Variants in SEMA3D observed in about 807,000 individuals in gnomAD.
SEMA3D encodes semaphorin-3D.
Under a neutral mutation model 100.1 loss-of-function variants are expected in SEMA3D, and 84 were observed. The observed-to-expected ratio is 0.84, with a 90% CI of 0.70 to 1.01. SEMA3D has a LOEUF of 1.01. SEMA3D is among the 50% of genes least tolerant of loss of function. The pLI is 0.00. For synonymous variants in SEMA3D, 312 were observed against 320.7 expected, an observed-to-expected ratio of 0.97 and a Z score of 0.29; for missense variants, 875 against 934.1, an observed-to-expected ratio of 0.94 and a Z score of 0.82.
chr7:85,204,120 T>G, the SEMA3D span, among the ~76,000 whole-genome samples: 1 of 152,018 alleles, frequency 6.6e-6, no homozygotes, highest in African/African-American at 2.4e-5. Context: ...AAAAAAACAC[T>G]TTTAAAAAGC....
intron 15 of SEMA3D, among the ~76,000 whole-genome samples, chr7:85,015,922 A>C (rs1790087670): frequency 6.6e-6 from 1 of 151,690 alleles, no homozygotes; most frequent in Non-Finnish European, 1.5e-5. Flanking sequence ...ATACAAGTGA[A>C]TAAGCCACAA....
chr7:85,055,534 T>A (rs1791282878), intron 9 of SEMA3D, among the ~76,000 whole-genome samples, 183 bp downstream of exon 9: 1 of 150,606 alleles, frequency 6.6e-6, no homozygotes, highest in Admixed American at 6.6e-5. Flanking sequence ...CTTTTTCTTA[T>A]TTTTTACATT....
intron 5 of SEMA3D, among the ~76,000 whole-genome samples, chr7:85,078,729 T>A (rs1238701098): frequency 6.6e-6 from 1 of 152,158 alleles, no homozygotes; most frequent in East Asian, 1.9e-4. Context: ...ATTAGCTAAC[T>A]TTCATTAGGG....
intron 2 of SEMA3D, chr7:85,139,978 T>C (rs1223819080): frequency 7.4e-6 from 2 of 269,408 alleles, no homozygotes; most frequent in Non-Finnish European, 1.1e-5. Flanking sequence ...CATTGTAAAC[T>C]ATTATAACCA....
chr7:85,050,118 C>CAG (rs1369559118), intron 9 of SEMA3D, among the ~76,000 whole-genome samples: 56 of 124,402 alleles, frequency 4.5e-4, no homozygotes, highest in African/African-American at 1.5e-3. Flanking sequence ...CACACACACA[C>CAG]ACAGAGACAG....
intron 12 of SEMA3D, among the ~76,000 whole-genome samples, chr7:85,033,092 T>C (rs1343508169): frequency 7.9e-5 from 12 of 152,132 alleles, no homozygotes. Flanking sequence ...GTCCTAATCA[T>C]GCTTTTGTTT....
chr7:85,023,636 C>A (rs1206451814), intron 12 of SEMA3D, among the ~76,000 whole-genome samples: 2 of 151,758 alleles, frequency 1.3e-5, no homozygotes, highest in African/African-American at 4.8e-5. Context: ...CTCCATGGAA[C>A]TGAACCATTT....
At chr7:85,112,832 CTGTT>C (rs1255658546) in intron 3 of SEMA3D, among the ~76,000 whole-genome samples, 6 of 152,196 alleles carry the variant, frequency 3.9e-5, no homozygotes, top group East Asian at 1.9e-4. Context: ...TGCTTCTTCA[CTGTT>C]TGTCTCCCTA....
intron 12 of SEMA3D, among the ~76,000 whole-genome samples, chr7:85,030,088 T>G (rs767033529): frequency 1.3e-5 from 2 of 151,988 alleles, no homozygotes; most frequent in African/African-American, 2.4e-5. Context: ...CTAGGTACTC[T>G]ACCCAGGATG....
chr7:85,114,977 A>T (rs1230198470), intron 3 of SEMA3D, among the ~76,000 whole-genome samples: 3 of 152,210 alleles, frequency 2.0e-5, no homozygotes, highest in Non-Finnish European at 4.4e-5. Flanking sequence ...ACTTTAAAAA[A>T]ATAAGTTTAG....
chr7:85,213,975 T>C, the SEMA3D span, among the ~76,000 whole-genome samples: 1 of 152,184 alleles, frequency 6.6e-6, no homozygotes, highest in Non-Finnish European at 1.5e-5. Context: ...TGTGCATCTA[T>C]GTAAAAATGT....
chr7:85,222,433 A>T, the SEMA3D span, among the ~76,000 whole-genome samples: 423 of 152,256 alleles, frequency 2.8e-3, 1 homozygote, highest in African/African-American at 9.6e-3. Flanking sequence ...GTATGTACGT[A>T]AATATATGTA....
At chr7:85,146,447 G>A (rs1013127850) in intron 2 of SEMA3D, among the ~76,000 whole-genome samples, 3 of 151,874 alleles carry the variant, frequency 2.0e-5, no homozygotes, top group East Asian at 1.9e-4. Context: ...CCAGCTACTC[G>A]GGAGGCTGAG....
At chr7:85,147,350 C>T (rs559359075) in intron 2 of SEMA3D, among the ~76,000 whole-genome samples, 8 of 151,998 alleles carry the variant, frequency 5.3e-5, no homozygotes, top group African/African-American at 1.9e-4. Flanking sequence ...GATCTGCCCA[C>T]CTGTTGGTCA....
the SEMA3D span, among the ~76,000 whole-genome samples, chr7:85,228,357 A>C: frequency 6.6e-6 from 1 of 152,278 alleles, no homozygotes; most frequent in South Asian, 2.1e-4. Flanking sequence ...TCCGAATGGT[A>C]ATTTCATTTT....
chr7:85,224,306 A>C, the SEMA3D span, among the ~76,000 whole-genome samples: 1 of 152,204 alleles, frequency 6.6e-6, no homozygotes, highest in African/African-American at 2.4e-5. Flanking sequence ...ACTCTTCTGA[A>C]TGCCTGCAGC....
At chr7:85,131,844 A>G (rs1257635002) in intron 2 of SEMA3D, among the ~76,000 whole-genome samples, 1 of 151,884 alleles carries the variant, frequency 6.6e-6, no homozygotes, top group Non-Finnish European at 1.5e-5. Flanking sequence ...TTAGTTTTAC[A>G]ACTAGTATAG....
intron 4 of SEMA3D, among the ~76,000 whole-genome samples, chr7:85,085,247 C>T (rs1562811483): frequency 1.3e-5 from 2 of 151,516 alleles, no homozygotes; most frequent in African/African-American, 2.4e-5. Context: ...ATGTAGGAAA[C>T]AAAAAAATAT....
chr7:85,149,600 T>C (rs915631767), intron 2 of SEMA3D, among the ~76,000 whole-genome samples: 9 of 152,252 alleles, frequency 5.9e-5, no homozygotes, highest in Non-Finnish European at 1.3e-4. Context: ...TTATAAATCG[T>C]AGGGAATATT....
Sources: allele counts gnomAD v4.1 joint callset (sites outside exome capture counted in the v4.1 genomes callset), GRCh38; gene constraint gnomAD v4.1.1; transcripts MANE v1.5; gene names NCBI Gene and HGNC (gene_info 2026-07-23, HGNC 2026-07-21).